The following IFT80 variants were observed in gnomAD, a reference collection of about 807,000 sequenced individuals.
The protein encoded by IFT80 is intraflagellar transport protein 80 homolog.
In IFT80, 79 loss-of-function variants were observed where a neutral mutation model predicts 107.9. The observed-to-expected ratio is 0.73, with a 90% CI of 0.61 to 0.88. The LOEUF is 0.88. Among genes scored for constraint, IFT80 ranks in the 40% least tolerant of loss-of-function variants. The pLI is 0.00. For missense variants in IFT80, 797 were observed against 914.2 expected, an observed-to-expected ratio of 0.87 and a Z score of 1.65; for synonymous variants, 299 against 300.9, an observed-to-expected ratio of 0.99 and a Z score of 0.07.
At chr3:160,371,093 G>A (rs1042240475) in intron 5 of IFT80, among the ~76,000 whole-genome samples, 1 of 152,164 alleles carries the variant, frequency 6.6e-6, no homozygotes, top group African/African-American at 2.4e-5. Context: ...AGGACTGTCA[G>A]TGTTTTGGTC....
chr3:160,334,805 CT>C (rs35098077), intron 8 of IFT80, among the ~76,000 whole-genome samples: 71,802 of 144,646 alleles, frequency 0.5, 17,623 homozygotes, highest in Non-Finnish European at 0.52. Context: ...ACTCTCATAG[CT>C]TTTTTTTTTT....
intron 1 of IFT80, among the ~76,000 whole-genome samples, chr3:160,397,856 G>A (rs957409615): frequency 1.5e-4 from 22 of 151,668 alleles, no homozygotes; most frequent in Non-Finnish European, 1.0e-4. Flanking sequence ...CTAGTAGCTG[G>A]GATTACAGGC....
intron 1 of IFT80, among the ~76,000 whole-genome samples, chr3:160,397,566 A>C (rs1241476975): frequency 6.6e-6 from 1 of 152,234 alleles, no homozygotes; most frequent in Non-Finnish European, 1.5e-5. Flanking sequence ...TGCTAGTTTC[A>C]TAAATAAATA....
rs531809361 is a variant in IFT80, at chr3:160,357,455, T to C, written c.639+34A>G. The C allele has an allele frequency of 2.6e-6, 3 of 1,138,344 alleles. No homozygotes were observed. In the South Asian group the frequency reaches 3.9e-5, roughly 15 times the overall value. The allele number at this position is 1,138,344 out of a possible 1,614,324, so 70.5% of individuals were successfully genotyped here. On this transcript the variant is annotated intron_variant, in intron 7 of 19. Coordinates refer to ENST00000326448, the MANE Select transcript of IFT80 (RefSeq NM_020800.3). Reference sequence around the variant, plus strand: ...TGCTAAGTACTTATAAATTTGATTATTTCAGCCAAGTGATAAATCTAAACA... The same window carrying C: ...TGCTAAGTACTTATAAATTTGATTACTTCAGCCAAGTGATAAATCTAAACA...
chr3:160,308,125 T>C (rs1393011883), intron 9 of IFT80, among the ~76,000 whole-genome samples: 1 of 152,168 alleles, frequency 6.6e-6, no homozygotes, highest in East Asian at 1.9e-4. Flanking sequence ...GTTGGAAAGA[T>C]TCTATGTGAT....
intron 12 of IFT80, among the ~76,000 whole-genome samples, chr3:160,297,777 C>T (rs1359675430): frequency 6.6e-6 from 1 of 152,016 alleles, no homozygotes; most frequent in African/African-American, 2.4e-5. Context: ...CAATAGCAGC[C>T]TTCCATCCTT....
Position 160,300,869 on chromosome 3 carries a change from A to G in IFT80, c.1315+14T>C. 1 of 1,577,728 alleles carries G rather than the reference A, an allele frequency of 6.3e-7. No homozygotes were observed. ...TTTCATATTTGACAGGAAAAATTAT[A>G]AAAATATACTTACTTTTTTCATCAG... On this transcript the variant is annotated intron_variant, in intron 12 of 19. Transcript: ENST00000326448.
intron 18 of IFT80, 133 bp from the exon 19 acceptor site, chr3:160,268,669 C>T (rs1713548457): frequency 1.1e-6 from 1 of 870,154 alleles, no homozygotes; most frequent in African/African-American, 1.7e-5. Context: ...CCATTTTCTA[C>T]CTCATCCATC....
At chr3:160,313,236 C>G (rs1250304905) in intron 9 of IFT80, among the ~76,000 whole-genome samples, 2 of 146,678 alleles carry the variant, frequency 1.4e-5, no homozygotes, top group African/African-American at 2.5e-5. Context: ...CTTCTAGAAA[C>G]AGTTTAAAGC....
intron 14 of IFT80, among the ~76,000 whole-genome samples, chr3:160,281,253 T>A (rs1376235272): frequency 1.3e-5 from 2 of 152,160 alleles, no homozygotes; most frequent in Admixed American, 1.3e-4. Context: ...CCTAGCTGCA[T>A]ACTGCTTTCA....
chr3:160,313,972 T>C (rs1717603474), intron 9 of IFT80, among the ~76,000 whole-genome samples: 1 of 152,148 alleles, frequency 6.6e-6, no homozygotes, highest in South Asian at 2.1e-4. Context: ...AGGATTAATT[T>C]CCTGATATTC....
intron 6 of IFT80, among the ~76,000 whole-genome samples, chr3:160,357,824 C>G (rs1343854704): frequency 6.6e-6 from 1 of 152,102 alleles, no homozygotes; most frequent in Non-Finnish European, 1.5e-5. Context: ...TCCTCAGTTG[C>G]CTGGACTCCA....
chr3:160,348,062 T>C (rs1234188578), intron 8 of IFT80, among the ~76,000 whole-genome samples: 1 of 152,052 alleles, frequency 6.6e-6, no homozygotes, highest in Non-Finnish European at 1.5e-5. Context: ...AAACTGAGGG[T>C]TTTAGGTCAT....
At chr3:160,317,990 A>T (rs1717938098) in intron 9 of IFT80, among the ~76,000 whole-genome samples, 1 of 151,324 alleles carries the variant, frequency 6.6e-6, no homozygotes, top group African/African-American at 2.4e-5. Context: ...TTATTATTAT[A>T]TAATATGATA....
At chr3:160,332,128 A>T (rs1254269354) in intron 8 of IFT80, among the ~76,000 whole-genome samples, 2 of 152,202 alleles carry the variant, frequency 1.3e-5, no homozygotes, top group Admixed American at 1.3e-4. Context: ...TTCAGGTTCC[A>T]TATTTTTGGA....
chr3:160,388,433 C>A (rs1170216580), intron 1 of IFT80, among the ~76,000 whole-genome samples: 1 of 151,160 alleles, frequency 6.6e-6, no homozygotes, highest in Non-Finnish European at 1.5e-5. Flanking sequence ...ATGTGGAAAG[C>A]CTTAAGGAAC....
chr3:160,379,500 A>T (rs1187841956), intron 3 of IFT80, among the ~76,000 whole-genome samples: 1 of 152,190 alleles, frequency 6.6e-6, no homozygotes, highest in East Asian at 1.9e-4. Flanking sequence ...TGAAGTATTC[A>T]TGGTTAAAAG....
intron 10 of IFT80, among the ~76,000 whole-genome samples, chr3:160,305,597 A>G (rs1036830317): frequency 6.6e-6 from 1 of 152,130 alleles, no homozygotes; most frequent in African/African-American, 2.4e-5. Context: ...AGAGATATAT[A>G]AATGCCATGG....
intron 5 of IFT80, among the ~76,000 whole-genome samples, chr3:160,369,312 T>G (rs1239153892): frequency 6.6e-6 from 1 of 151,954 alleles, no homozygotes; most frequent in Non-Finnish European, 1.5e-5. Context: ...TATTTATTTA[T>G]GATAAATAAG....
Sources: allele counts gnomAD v4.1 joint callset (sites outside exome capture counted in the v4.1 genomes callset), GRCh38; gene constraint gnomAD v4.1.1; transcripts MANE v1.5; gene names NCBI Gene and HGNC (gene_info 2026-07-23, HGNC 2026-07-21).